Variants in USP22 observed in about 807,000 individuals in gnomAD.
USP22 encodes ubiquitin carboxyl-terminal hydrolase 22.
A neutral mutation model predicts 68.1 loss-of-function variants in USP22; 22 were observed. That is an observed-to-expected ratio of 0.32 (90% CI 0.23 to 0.46). The LOEUF (loss-of-function observed/expected upper bound fraction) is 0.46. Among genes scored for constraint, USP22 ranks in the 20% least tolerant of loss-of-function variants. USP22 has a pLI of 1.00. For synonymous variants in USP22, 279 were observed against 274.2 expected (o/e 1.02, Z -0.17); for missense variants, 433 against 695.8 (o/e 0.62, Z 4.25).
At chr17:21,040,887 C>CTT (rs376506784) in intron 1 of USP22, among the ~76,000 whole-genome samples, 2,187 of 142,836 alleles carry the variant, frequency 0.015, 53 homozygotes, top group African/African-American at 0.05. Context: ...CCAGGCCACC[C>CTT]TTTTTTTTTT....
intron 3 of USP22, among the ~76,000 whole-genome samples, chr17:21,020,242 AC>A (rs1972136128): frequency 1.1e-5 from 1 of 95,072 alleles, no homozygotes; most frequent in African/African-American, 4.1e-5. Context: ...AGAATCAAAA[AC>A]CAAAAAAAAA....
At chr17:21,021,346 A>G in intron 2 of USP22, 120 bp from the exon 3 acceptor site, 3 of 676,664 alleles carry the variant, frequency 4.4e-6, no homozygotes, top group South Asian at 1.7e-5. Context: ...GCACCTTCCT[A>G]TTCACAAGCA....
At chr17:21,041,836 G>C (rs1047221501) in intron 1 of USP22, among the ~76,000 whole-genome samples, 1 of 152,266 alleles carries the variant, frequency 6.6e-6, no homozygotes, top group African/African-American at 2.4e-5. Flanking sequence ...CGGGACGCAA[G>C]ACTGGGCTCC....
chr17:21,020,418 G>A (rs1197146365), intron 3 of USP22, among the ~76,000 whole-genome samples: 1 of 151,996 alleles, frequency 6.6e-6, no homozygotes, highest in Non-Finnish European at 1.5e-5. Flanking sequence ...TGCGAGAGCC[G>A]TGAGGGCAGC....
intron 1 of USP22, among the ~76,000 whole-genome samples, chr17:21,034,966 G>A (rs1325409232): frequency 1.3e-5 from 2 of 152,164 alleles, no homozygotes; most frequent in East Asian, 1.9e-4. Flanking sequence ...GACAACTACC[G>A]GAGGTCTTGG....
At chr17:21,042,438 G>A (rs1272216338) in intron 1 of USP22, among the ~76,000 whole-genome samples, 5 of 146,166 alleles carry the variant, frequency 3.4e-5, no homozygotes, top group Non-Finnish European at 7.5e-5. Context: ...AGGGGGGAGA[G>A]GGGAAGGATA....
In USP22 at chr17:21,016,739, C is replaced by T. The variant is rs9916198; in HGVS notation, c.691-840G>A. ...CGCTGGTAAAGGACACTCAAGGGAC[C>T]GAAGACAGATCGGCAGCTACCAGGG... On this transcript the variant is annotated intron_variant, in intron 5 of 12. Transcript: ENST00000261497. 2.4e-3 allele frequency among the ~76,000 whole-genome samples: 360 copies of T among 152,240 alleles called. 3 individuals carry two copies. The highest frequency in any genetic ancestry group is 8.4e-3 in the African/African-American group (349 of 41,524).
At chr17:21,039,077 G>A (rs535198488) in intron 1 of USP22, among the ~76,000 whole-genome samples, 65 of 151,944 alleles carry the variant, frequency 4.3e-4, no homozygotes, top group Middle Eastern at 3.4e-3. Flanking sequence ...CCAGCCTCAC[G>A]AGTAGCTGGG....
Position 21,015,860 on chromosome 17 carries a change from A to G in USP22, c.730T>C (p.Leu244=), listed in dbSNP as rs1325381092. ...GCGTGGGTCCACACCAGGTGCAGCA[A>G]CTTATACGGGATGTGAGGGGACCGG... The part of the protein sequence containing the change: ...GHRSPHIPYK[L]LHLVWTHARH... The change falls in exon 6 of 13, where the codon TTG becomes CTG. Residue 244 remains leucine (L), a synonymous_variant. Coordinates refer to ENST00000261497, the MANE Select transcript of USP22 (RefSeq NM_015276.2). 6.2e-7 allele frequency: 1 copy of G among 1,613,976 alleles called. No individual in the cohort carries two copies. Among genetic ancestry groups the G allele is most frequent in the African/African-American group, 1.3e-5 (1 of 74,916 alleles).
chr17:21,023,615 AGCCTGGGCGAGAGT>A (rs1972184551), intron 2 of USP22, among the ~76,000 whole-genome samples: 1 of 146,290 alleles, frequency 6.8e-6, no homozygotes, highest in Non-Finnish European at 1.5e-5. Context: ...ACTGCACTCC[AGCCTGGGCGAGAGT>A]GCCAGACTAT....
At chr17:21,033,479 G>A (rs969210654) in intron 1 of USP22, among the ~76,000 whole-genome samples, 1 of 152,112 alleles carries the variant, frequency 6.6e-6, no homozygotes, top group African/African-American at 2.4e-5. Flanking sequence ...ACCCCAAGAA[G>A]GATGCGGAGG....
intron 5 of USP22, among the ~76,000 whole-genome samples, chr17:21,017,455 T>C (rs1972101639): frequency 6.6e-6 from 1 of 152,164 alleles, no homozygotes; most frequent in Admixed American, 6.5e-5. Context: ...GGGACAGAAG[T>C]GGACAGGAAC....
intron 1 of USP22, among the ~76,000 whole-genome samples, chr17:21,040,578 A>T (rs954733725): frequency 6.6e-6 from 1 of 152,234 alleles, no homozygotes; most frequent in African/African-American, 2.4e-5. Flanking sequence ...TGAAATTAAA[A>T]GATTAATCAG....
chr17:21,020,855 T>C (rs1015518967), intron 3 of USP22, among the ~76,000 whole-genome samples: 7 of 152,014 alleles, frequency 4.6e-5, no homozygotes, highest in Non-Finnish European at 1.0e-4. Context: ...TGCAGGCCCA[T>C]GGGGGACCTG....
At chr17:21,013,629 T>A (rs1315078491) in intron 6 of USP22, among the ~76,000 whole-genome samples, 1 of 152,182 alleles carries the variant, frequency 6.6e-6, no homozygotes, top group South Asian at 2.1e-4. Flanking sequence ...TTCAAAGACG[T>A]TGAATCATGA....
chr17:21,019,047 A>G, intron 4 of USP22, 37 bp downstream of exon 4: 3 of 1,602,098 alleles, frequency 1.9e-6, no homozygotes. Flanking sequence ...AACCCTGGAA[A>G]GAAGCCTAGC....
intron 1 of USP22, 40 bp from the exon 2 acceptor site, chr17:21,028,714 AAG>A: frequency 6.2e-7 from 1 of 1,603,974 alleles, no homozygotes; most frequent in Non-Finnish European, 8.5e-7. Flanking sequence ...GCTGTGTGAT[AAG>A]ACAGGGGTGC....
intron 11 of USP22, among the ~76,000 whole-genome samples, 176 bp downstream of exon 11, chr17:21,004,752 C>T (rs905256420): frequency 3.3e-5 from 5 of 151,506 alleles, no homozygotes; most frequent in African/African-American, 1.2e-4. Flanking sequence ...TGTGGCACCA[C>T]GTGGAGCGGC....
At chr17:21,019,796 G>A (rs535226428) in intron 3 of USP22, among the ~76,000 whole-genome samples, 19 of 152,352 alleles carry the variant, frequency 1.2e-4, no homozygotes, top group African/African-American at 4.1e-4. Context: ...GACACAGCAT[G>A]TTGGATAGAC....
Sources: gnomAD v4.1 joint callset for allele counts (sites outside exome capture counted in the v4.1 genomes callset) on GRCh38, gnomAD v4.1.1 for gene constraint, MANE v1.5 for transcripts, NCBI Gene and HGNC (gene_info 2026-07-23, HGNC 2026-07-21) for gene names.